The following HEMK2 variants were observed in gnomAD, a reference collection of about 807,000 sequenced individuals.
The protein encoded by HEMK2 is HemK methyltransferase 2, ETF1 glutamine and histone H4 lysine.
chr21:28,881,754 C>G, the HEMK2 span, among the ~76,000 whole-genome samples: 1 of 151,796 alleles, frequency 6.6e-6, no homozygotes, highest in Non-Finnish European at 1.5e-5. Context: ...ATCTCAGCCT[C>G]CCAAGTAGCT....
the HEMK2 span, among the ~76,000 whole-genome samples, chr21:28,851,470 T>C: frequency 6.6e-6 from 1 of 152,092 alleles, no homozygotes; most frequent in South Asian, 2.1e-4. Context: ...AAAATCCAAA[T>C]AGGCCCACTA....
At chr21:28,611,673 T>G in the HEMK2 span, among the ~76,000 whole-genome samples, 2 of 151,978 alleles carry the variant, frequency 1.3e-5, no homozygotes, top group East Asian at 3.9e-4. Flanking sequence ...TTTGGGAGGC[T>G]GAGGCAGATG....
At chr21:28,838,057 C>T in the HEMK2 span, among the ~76,000 whole-genome samples, 1 of 151,914 alleles carries the variant, frequency 6.6e-6, no homozygotes, top group African/African-American at 2.4e-5. Context: ...TTAAAACTGC[C>T]AACAAAAAAA....
At chr21:28,723,367 C>A in the HEMK2 span, among the ~76,000 whole-genome samples, 2 of 152,142 alleles carry the variant, frequency 1.3e-5, no homozygotes, top group South Asian at 4.1e-4. Context: ...TCACTGCACA[C>A]TTGCATGGAG....
the HEMK2 span, among the ~76,000 whole-genome samples, chr21:28,733,801 A>G: frequency 6.6e-6 from 1 of 152,014 alleles, no homozygotes; most frequent in South Asian, 2.1e-4. Context: ...ATATGTATAC[A>G]TGTGCCATGT....
the HEMK2 span, among the ~76,000 whole-genome samples, chr21:28,819,702 C>T: frequency 2.6e-5 from 4 of 151,832 alleles, no homozygotes; most frequent in African/African-American, 9.7e-5. Context: ...GCGGGTGCCA[C>T]CATGCCTGGC....
the HEMK2 span, among the ~76,000 whole-genome samples, chr21:28,819,129 T>C: frequency 6.6e-6 from 1 of 152,202 alleles, no homozygotes; most frequent in African/African-American, 2.4e-5. Flanking sequence ...CTCTGGTAGT[T>C]GCTCAAGGAA....
chr21:28,835,896 T>C, the HEMK2 span, among the ~76,000 whole-genome samples: 2 of 151,324 alleles, frequency 1.3e-5, no homozygotes, highest in Non-Finnish European at 2.9e-5. Context: ...AATTCAGAGC[T>C]CAATGACATG....
the HEMK2 span, among the ~76,000 whole-genome samples, chr21:28,715,290 TGCAA>T: frequency 1.3e-5 from 2 of 152,148 alleles, no homozygotes; most frequent in Non-Finnish European, 2.9e-5. Context: ...TCCGCAGCCT[TGCAA>T]GCATCTGTTA....
the HEMK2 span, among the ~76,000 whole-genome samples, chr21:28,666,922 C>T: frequency 6.6e-6 from 1 of 152,088 alleles, no homozygotes; most frequent in African/African-American, 2.4e-5. Context: ...ATGCAGTAAT[C>T]TGAAAGTATT....
chr21:28,802,281 G>A, the HEMK2 span, among the ~76,000 whole-genome samples: 4 of 152,158 alleles, frequency 2.6e-5, no homozygotes, highest in African/African-American at 7.2e-5. Flanking sequence ...AGAACAGTGT[G>A]TGTTGTATGT....
the HEMK2 span, among the ~76,000 whole-genome samples, chr21:28,781,798 C>T: frequency 3.3e-5 from 5 of 152,114 alleles, no homozygotes; most frequent in Admixed American, 6.6e-5. Context: ...GTCTCCAGTC[C>T]CTCTAGTGGT....
At chr21:28,707,822 G>T in the HEMK2 span, among the ~76,000 whole-genome samples, 11 of 151,914 alleles carry the variant, frequency 7.2e-5, no homozygotes, top group African/African-American at 2.7e-4. Context: ...AAAACAAAGG[G>T]TATATGTATA....
the HEMK2 span, among the ~76,000 whole-genome samples, chr21:28,616,370 T>C: frequency 2.0e-5 from 3 of 152,210 alleles, no homozygotes; most frequent in African/African-American, 4.8e-5. Flanking sequence ...ATTGGAAATA[T>C]GGACTTATAT....
chr21:28,660,692 G>A, the HEMK2 span, among the ~76,000 whole-genome samples: 2 of 151,916 alleles, frequency 1.3e-5, no homozygotes, highest in Non-Finnish European at 2.9e-5. Context: ...GTTAATATGT[G>A]AGATTGTCCT....
the HEMK2 span, among the ~76,000 whole-genome samples, chr21:28,604,858 G>A: frequency 3.4e-3 from 521 of 152,292 alleles, 6 homozygotes; most frequent in Non-Finnish European, 5.7e-3. Flanking sequence ...CAGTGGAGTG[G>A]TCAGAGTTGA....
At chr21:28,836,518 C>T in the HEMK2 span, among the ~76,000 whole-genome samples, 5 of 151,784 alleles carry the variant, frequency 3.3e-5, no homozygotes, top group Non-Finnish European at 7.4e-5. Flanking sequence ...CTGGAGGAAA[C>T]ACATCAAAAC....
At chr21:28,727,531 G>A in the HEMK2 span, among the ~76,000 whole-genome samples, 4 of 152,344 alleles carry the variant, frequency 2.6e-5, no homozygotes, top group Non-Finnish European at 4.4e-5. Context: ...CACCCTGCGT[G>A]CTCAAAATAA....
At chr21:28,644,567 C>A in the HEMK2 span, among the ~76,000 whole-genome samples, 1 of 152,206 alleles carries the variant, frequency 6.6e-6, no homozygotes, top group Admixed American at 6.5e-5. Context: ...ATAGCTCTTT[C>A]TCCCTGCTTA....
Sources: allele counts gnomAD v4.1 joint callset (sites outside exome capture counted in the v4.1 genomes callset), GRCh38; gene constraint gnomAD v4.1.1; transcripts MANE v1.5; gene names NCBI Gene and HGNC (gene_info 2026-07-23, HGNC 2026-07-21).